The following PCDHGB3 variants were observed in gnomAD, a reference collection of about 807,000 sequenced individuals.
PCDHGB3 encodes protocadherin gamma subfamily B, 3.
PCDHGB3 carries 40 observed loss-of-function variants against 59.2 expected under a neutral mutation model. That is an observed-to-expected ratio of 0.68 (90% CI 0.52 to 0.88). PCDHGB3 has a LOEUF of 0.88. Among genes scored for constraint, PCDHGB3 ranks in the 40% least tolerant of loss-of-function variants. The pLI is 0.00. For synonymous variants in PCDHGB3, 581 were observed against 503.6 expected, an observed-to-expected ratio of 1.15 and a Z score of -2.06; for missense variants, 1,309 against 1,187.9, an observed-to-expected ratio of 1.10 and a Z score of -1.50.
At position 141,477,579 on chromosome 5, in the gene PCDHGB3, A is replaced by G. The variant is rs774773400; in HGVS notation, c.2416-17228A>G. The stretch of plus-strand genomic sequence containing the variant: ...AGTGTCTGGGACCCCGACGCCCCGC[A>G]GAATGCTCGGCTTTCTTTCTTTCTC... On this transcript the variant is annotated intron_variant, in intron 1 of 3. Coordinates refer to ENST00000576222, the MANE Select transcript of PCDHGB3 (RefSeq NM_018924.5). The surrounding 1 kb of genome is among the most constrained non-coding windows in gnomAD (Gnocchi z 4.9). The G allele has an allele frequency of 1.7e-5, 27 of 1,614,036 alleles. No individual in the cohort carries two copies. The highest frequency in any genetic ancestry group is 2.0e-5 in the Non-Finnish European group (24 of 1,180,036).
At chr5:141,494,776 C>T in intron 1 of PCDHGB3, 31 bp from the exon 2 acceptor site, 1 of 1,614,100 alleles carries the variant, frequency 6.2e-7, no homozygotes, top group East Asian at 2.2e-5. Context: ...CTCACGGGTA[C>T]TCAGCCCCTT....
intron 2 of PCDHGB3, 62 bp downstream of exon 2, chr5:141,494,927 G>C: frequency 6.2e-7 from 1 of 1,613,516 alleles, no homozygotes; most frequent in Non-Finnish European, 8.5e-7. Context: ...GATGACGTGG[G>C]AGGAGATGGG....
chr5:141,434,889 A>C (rs1213631251), intron 1 of PCDHGB3, among the ~76,000 whole-genome samples: 2 of 151,512 alleles, frequency 1.3e-5, no homozygotes, highest in African/African-American at 4.8e-5. Context: ...ACAACAATCC[A>C]GTCCCCTTCC....
At chr5:141,386,096 G>C (rs1029162742) in intron 1 of PCDHGB3, 7 of 152,214 alleles carry the variant, frequency 4.6e-5, no homozygotes, top group African/African-American at 1.7e-4. Flanking sequence ...CAGATGAAGT[G>C]TGTCTGTGGG....
chr5:141,381,826 C>CTTCTTTTTTTTTTTTTT (rs1777532522), intron 1 of PCDHGB3, among the ~76,000 whole-genome samples: 2 of 74,284 alleles, frequency 2.7e-5, no homozygotes, highest in African/African-American at 1.2e-4. Flanking sequence ...CTTTCTTCTT[C>CTTCTTTTTTTTTTTTTT]TTTTTTTTTT....
At chr5:141,451,352 A>G (rs2098714151) in intron 1 of PCDHGB3, among the ~76,000 whole-genome samples, 1 of 152,232 alleles carries the variant, frequency 6.6e-6, no homozygotes, top group Non-Finnish European at 1.5e-5. Flanking sequence ...AAGGGTCAAC[A>G]GAGGATGGAT....
intron 1 of PCDHGB3, chr5:141,399,577 TC>T (rs1393975550): frequency 6.2e-7 from 1 of 1,613,972 alleles, no homozygotes; most frequent in Non-Finnish European, 8.5e-7. Flanking sequence ...CGGCCAAGTC[TC>T]CTACTCTATC....
intron 1 of PCDHGB3, among the ~76,000 whole-genome samples, chr5:141,466,514 T>C (rs1276000407): frequency 6.6e-6 from 1 of 152,226 alleles, no homozygotes; most frequent in Non-Finnish European, 1.5e-5. Context: ...AAGATCATTT[T>C]TTTTCCTCCC....
At chr5:141,481,356 T>A (rs1214829594) in intron 1 of PCDHGB3, among the ~76,000 whole-genome samples, 1 of 152,260 alleles carries the variant, frequency 6.6e-6, no homozygotes, top group East Asian at 1.9e-4. Context: ...CATCTACAGC[T>A]GTTCAATAGA....
At chr5:141,376,139 G>C in intron 1 of PCDHGB3, 1 of 1,613,958 alleles carries the variant, frequency 6.2e-7, no homozygotes, top group Non-Finnish European at 8.5e-7. Flanking sequence ...CAAACCCAAC[G>C]ATTCGGACCT....
At chr5:141,503,936 C>G (rs2099834285) in intron 2 of PCDHGB3, among the ~76,000 whole-genome samples, 1 of 152,186 alleles carries the variant, frequency 6.6e-6, no homozygotes, top group Non-Finnish European at 1.5e-5. Flanking sequence ...CATTTTCATG[C>G]CTTCAAGGCC....
At chr5:141,384,290 A>T in intron 1 of PCDHGB3, 1 of 1,613,874 alleles carries the variant, frequency 6.2e-7, no homozygotes, top group Non-Finnish European at 8.5e-7. Context: ...ATCGCTGAGA[A>T]CAACCCCAGA....
chr5:141,448,192 TACAAAC>T (rs2098573842), intron 1 of PCDHGB3, among the ~76,000 whole-genome samples: 1 of 152,188 alleles, frequency 6.6e-6, no homozygotes, highest in Non-Finnish European at 1.5e-5. Flanking sequence ...TATGTACACT[TACAAAC>T]ATTTTCTGTG....
chr5:141,420,044 T>C lies in PCDHGB3; in HGVS notation c.2415+47235T>C, dbSNP rs769790599. 1.7e-5 allele frequency: 27 copies of C among 1,613,934 alleles called. No individual in the cohort carries two copies. In the East Asian group the frequency reaches 6.0e-4, roughly 36 times the overall value. On this transcript the variant is annotated intron_variant, in intron 1 of 3. Coordinates refer to ENST00000576222, the MANE Select transcript of PCDHGB3 (RefSeq NM_018924.5). ...CCCTACTGCAGGAGACTGCTTTGAG[T>C]CAGTTCTCTGCTCCAAGTCCGGACC...
chr5:141,400,783 T>G (rs2094075214), intron 1 of PCDHGB3: 1 of 566,968 alleles, frequency 1.8e-6, no homozygotes, highest in African/African-American at 1.9e-5. Flanking sequence ...TGCGTTTTTT[T>G]GTCCTCTTTC....
At position 141,491,456 on chromosome 5, in the gene PCDHGB3, C is replaced by G; in HGVS notation, c.2416-3351C>G. On this transcript the variant is annotated intron_variant, in intron 1 of 3. Transcript: ENST00000576222. The surrounding 1 kb of genome is among the most constrained non-coding windows in gnomAD (Gnocchi z 6.9). Reference sequence around the variant, plus strand: ...TGCAGGCGCCAGGACTCACCCTCCCCGGACTTCTATAAGCAGTCCAGCCCC... The same window carrying G: ...TGCAGGCGCCAGGACTCACCCTCCCGGGACTTCTATAAGCAGTCCAGCCCC... 1 of 1,614,104 alleles carries G rather than the reference C, an allele frequency of 6.2e-7. No homozygotes were observed. The highest frequency in any genetic ancestry group is 8.5e-7 in the Non-Finnish European group (1 of 1,180,010).
intron 1 of PCDHGB3, chr5:141,403,543 G>C (rs1228327431): frequency 1.2e-6 from 2 of 1,614,006 alleles, no homozygotes; most frequent in Non-Finnish European, 1.7e-6. Context: ...TGGTGCTGGA[G>C]CGCGCCCTGG....
At chr5:141,508,732 C>A (rs1037039751) in intron 3 of PCDHGB3, among the ~76,000 whole-genome samples, 3 of 151,880 alleles carry the variant, frequency 2.0e-5, no homozygotes, top group Non-Finnish European at 4.4e-5. Flanking sequence ...GGAGACTACA[C>A]CCCCCACCCC....
chr5:141,384,818 A>G, intron 1 of PCDHGB3: 1 of 1,613,488 alleles, frequency 6.2e-7, no homozygotes, highest in East Asian at 2.2e-5. Context: ...GCCCTCAAGC[A>G]GAGCCTCGTG....
Sources: allele counts gnomAD v4.1 joint callset (sites outside exome capture counted in the v4.1 genomes callset), GRCh38; gene constraint gnomAD v4.1.1; non-coding constraint Gnocchi (gnomAD v3.1); transcripts MANE v1.5; gene names NCBI Gene and HGNC (gene_info 2026-07-23, HGNC 2026-07-21).